The following FSTL5 variants were observed in gnomAD, a reference collection of about 807,000 sequenced individuals.
FSTL5 encodes follistatin-related protein 5.
FSTL5 carries 62 observed loss-of-function variants against 89.1 expected under a neutral mutation model. The ratio of observed to expected loss-of-function variants is 0.70; its 90% CI spans 0.57 to 0.86. The LOEUF (loss-of-function observed/expected upper bound fraction) is 0.86. FSTL5 is among the 40% of genes least tolerant of loss of function. The probability of loss-of-function intolerance (pLI) is 0.00; values close to 1 mark genes in which losing one functional copy is unlikely to be tolerated. For missense variants in FSTL5, 1,057 were observed against 1,001.6 expected (o/e 1.06, Z -0.75); for synonymous variants, 383 against 346.2 (o/e 1.11, Z -1.18).
In FSTL5 at chr4:161,582,193, G is replaced by A. The variant is rs575230313; in HGVS notation, c.1015+5262C>T. On this transcript the variant is annotated intron_variant, in intron 8 of 15. Coordinates refer to ENST00000306100, the MANE Select transcript of FSTL5 (RefSeq NM_020116.5). ...ATTCCAGTAACTTGTGGTATTTTCC[G>A]GGCTTGTTATGGTAATCAATGACAT... 3.9e-5 allele frequency among the ~76,000 whole-genome samples: 6 copies of A among 152,214 alleles called. No individual in the cohort carries two copies. The East Asian group carries it at 5.8e-4, about 15-fold the overall frequency.
intron 15 of FSTL5, among the ~76,000 whole-genome samples, chr4:161,422,522 T>C (rs1732026165): frequency 6.6e-6 from 1 of 152,184 alleles, no homozygotes; most frequent in African/African-American, 2.4e-5. Flanking sequence ...TTTGGAATGA[T>C]CATAGAGAAG....
chr4:161,689,331 A>G (rs1737847045), intron 6 of FSTL5, among the ~76,000 whole-genome samples: 1 of 152,138 alleles, frequency 6.6e-6, no homozygotes, highest in African/African-American at 2.4e-5. Context: ...ATTGCTGCAT[A>G]ATCCAGGACA....
chr4:161,538,321 C>A, intron 9 of FSTL5, 21 bp from the exon 10 acceptor site: 1 of 1,613,108 alleles, frequency 6.2e-7, no homozygotes, highest in Non-Finnish European at 8.5e-7. Context: ...AAGGGAAATG[C>A]AACTTGTAAA....
rs74443632 is a variant in FSTL5, at chr4:161,742,305, A to G, written c.727+17106T>C. ...TGTAAAGGGACTGGATTAAGAGTCA[A>G]CAACAATGAATGCAGCGGGATCATG... On this transcript the variant is annotated intron_variant, in intron 6 of 15. Transcript: ENST00000306100. 7.7e-3 allele frequency among the ~76,000 whole-genome samples: 1,168 copies of G among 152,274 alleles called. 18 individuals are homozygous for G. Among genetic ancestry groups the G allele is most frequent in the African/African-American group, 0.026 (1,091 of 41,560 alleles).
At chr4:161,660,282 A>T (rs1375189660) in intron 6 of FSTL5, among the ~76,000 whole-genome samples, 2 of 152,162 alleles carry the variant, frequency 1.3e-5, no homozygotes, top group African/African-American at 4.8e-5. Context: ...CTTGGCTTAG[A>T]GAAAAACTAA....
intron 12 of FSTL5, among the ~76,000 whole-genome samples, chr4:161,486,919 T>C (rs1476614947): frequency 6.6e-6 from 1 of 152,240 alleles, no homozygotes; most frequent in Non-Finnish European, 1.5e-5. Flanking sequence ...CTCTACTTAA[T>C]ATTTCATGAA....
intron 7 of FSTL5, among the ~76,000 whole-genome samples, chr4:161,596,042 T>C (rs1349777278): frequency 2.6e-5 from 4 of 151,964 alleles, no homozygotes; most frequent in Non-Finnish European, 4.4e-5. Context: ...GCTTTTTATG[T>C]ATACAAAATA....
intron 2 of FSTL5, among the ~76,000 whole-genome samples, chr4:162,102,611 A>G (rs1396065974): frequency 6.8e-6 from 1 of 146,082 alleles, no homozygotes; most frequent in Non-Finnish European, 1.5e-5. Flanking sequence ...ATATTATATT[A>G]TATATAAAAT....
At chr4:161,672,705 T>TA (rs1737157700) in intron 6 of FSTL5, among the ~76,000 whole-genome samples, 1 of 140,422 alleles carries the variant, frequency 7.1e-6, no homozygotes, top group African/African-American at 2.8e-5. Context: ...ATCTAAGAAA[T>TA]TAAAAAAAAA....
chr4:161,694,850 T>TC (rs1738081850), intron 6 of FSTL5, among the ~76,000 whole-genome samples: 1 of 149,290 alleles, frequency 6.7e-6, no homozygotes, highest in African/African-American at 2.4e-5. Flanking sequence ...GCCTTTTTTT[T>TC]TTTTTTTTTT....
intron 4 of FSTL5, among the ~76,000 whole-genome samples, chr4:161,811,351 T>C (rs1239623495): frequency 6.6e-6 from 1 of 152,222 alleles, no homozygotes. Flanking sequence ...TATAAGATTA[T>C]TTTATAGTGA....
intron 3 of FSTL5, among the ~76,000 whole-genome samples, chr4:162,011,156 G>A (rs1578944859): frequency 6.6e-6 from 1 of 152,244 alleles, no homozygotes; most frequent in African/African-American, 2.4e-5. Context: ...GTGCAAGGAT[G>A]CCTGGAAGGT....
At chr4:161,650,491 G>C (rs1363889076) in intron 7 of FSTL5, among the ~76,000 whole-genome samples, 1 of 152,128 alleles carries the variant, frequency 6.6e-6, no homozygotes, top group Non-Finnish European at 1.5e-5. Context: ...AACCCTACCT[G>C]TAGAGTGGTT....
At chr4:161,981,169 G>C (rs1036095965) in intron 3 of FSTL5, among the ~76,000 whole-genome samples, 1 of 152,110 alleles carries the variant, frequency 6.6e-6, no homozygotes, top group African/African-American at 2.4e-5. Context: ...TGAAAAGTCA[G>C]TACAGGAAAA....
intron 3 of FSTL5, among the ~76,000 whole-genome samples, chr4:161,956,943 T>C (rs1296491200): frequency 6.6e-6 from 1 of 152,030 alleles, no homozygotes; most frequent in Non-Finnish European, 1.5e-5. Context: ...ATAAGCATAC[T>C]TTTAAAAAAC....
chr4:161,881,344 G>C (rs566196151), intron 4 of FSTL5, among the ~76,000 whole-genome samples: 2 of 151,592 alleles, frequency 1.3e-5, no homozygotes, highest in African/African-American at 2.4e-5. Context: ...TACTACAGTT[G>C]TATCAATGAA....
intron 10 of FSTL5, among the ~76,000 whole-genome samples, chr4:161,511,768 A>T (rs1474406452): frequency 1.3e-5 from 2 of 152,104 alleles, no homozygotes; most frequent in Non-Finnish European, 2.9e-5. Flanking sequence ...AAATACAAAC[A>T]TGTAATAAAT....
At chr4:161,956,433 C>T (rs1735028397) in intron 3 of FSTL5, among the ~76,000 whole-genome samples, 1 of 151,684 alleles carries the variant, frequency 6.6e-6, no homozygotes, top group Non-Finnish European at 1.5e-5. Flanking sequence ...TTATCCAAAG[C>T]CTCACAATTA....
intron 15 of FSTL5, among the ~76,000 whole-genome samples, chr4:161,449,900 A>G (rs954391467): frequency 2.6e-5 from 4 of 152,128 alleles, no homozygotes; most frequent in Non-Finnish European, 5.9e-5. Flanking sequence ...TTGCCAACAC[A>G]TCTTATTCGT....
Sources: allele counts gnomAD v4.1 joint callset (sites outside exome capture counted in the v4.1 genomes callset), GRCh38; gene constraint gnomAD v4.1.1; transcripts MANE v1.5; gene names NCBI Gene and HGNC (gene_info 2026-07-23, HGNC 2026-07-21).